The following ANKRD26 variants were observed in gnomAD, a reference collection of about 807,000 sequenced individuals.
The protein encoded by ANKRD26 is ankyrin repeat domain 26, also known as ankyrin repeat domain-containing protein 26.
A neutral mutation model predicts 208.7 loss-of-function variants in ANKRD26; 141 were observed. The observed-to-expected ratio is 0.68, with a 90% CI of 0.59 to 0.78. ANKRD26 has a LOEUF of 0.78. Ranked by LOEUF, ANKRD26 falls within the 30% of genes least tolerant of loss-of-function variation. The probability of loss-of-function intolerance (pLI) is 0.00; values close to 1 mark genes in which losing one functional copy is unlikely to be tolerated. For missense variants in ANKRD26, 1,889 were observed against 1,938.7 expected, an observed-to-expected ratio of 0.97 and a Z score of 0.48; for synonymous variants, 636 against 660.4, an observed-to-expected ratio of 0.96 and a Z score of 0.57.
chr10:26,956,252 A>G, the ANKRD26 span, among the ~76,000 whole-genome samples: 4 of 152,168 alleles, frequency 2.6e-5, no homozygotes, highest in African/African-American at 9.6e-5. Flanking sequence ...TAGGATATTT[A>G]CTTTTTTCTA....
intron 30 of ANKRD26, among the ~76,000 whole-genome samples, chr10:27,015,348 A>C (rs1200305938): frequency 2.0e-5 from 3 of 152,238 alleles, no homozygotes; most frequent in Non-Finnish European, 4.4e-5. Context: ...CTGCTGGAGC[A>C]TAAGGTTATG....
chr10:27,059,600 C>T (rs189494780), intron 15 of ANKRD26, among the ~76,000 whole-genome samples: 1 of 152,120 alleles, frequency 6.6e-6, no homozygotes, highest in Non-Finnish European at 1.5e-5. Flanking sequence ...AAGACTATGT[C>T]TACCAAATAG....
intron 7 of ANKRD26, 36 bp downstream of exon 7, chr10:27,079,053 G>A (rs1301201634): frequency 1.3e-6 from 2 of 1,549,448 alleles, no homozygotes; most frequent in Non-Finnish European, 1.8e-6. Flanking sequence ...ACTAGATTCA[G>A]AGTAAGAAAA....
At chr10:27,063,337 T>G (rs1160666665) in intron 12 of ANKRD26, among the ~76,000 whole-genome samples, 1 of 152,154 alleles carries the variant, frequency 6.6e-6, no homozygotes, top group Non-Finnish European at 1.5e-5. Context: ...TTTTATTTTT[T>G]TGAGATGAAG....
chr10:27,039,776 A>T (rs776756533), intron 21 of ANKRD26, among the ~76,000 whole-genome samples, 189 bp downstream of exon 21: 10 of 152,206 alleles, frequency 6.6e-5, no homozygotes, highest in Non-Finnish European at 2.9e-5. Flanking sequence ...AAAGTGATTT[A>T]AAAGAATATA....
intron 9 of ANKRD26, chr10:27,077,056 T>G (rs1343900821): frequency 9.7e-6 from 4 of 414,296 alleles, no homozygotes; most frequent in Admixed American, 4.1e-5. Flanking sequence ...AAAAGAAAAC[T>G]GCAGACCAAT....
intron 12 of ANKRD26, 93 bp from the exon 13 acceptor site, chr10:27,061,335 T>C: frequency 1.3e-6 from 1 of 790,200 alleles, no homozygotes; most frequent in South Asian, 1.7e-5. Context: ...AATAACATTT[T>C]ATATTTCAAA....
At chr10:27,011,604 G>T (rs766729941) in intron 32 of ANKRD26, among the ~76,000 whole-genome samples, 1 of 152,028 alleles carries the variant, frequency 6.6e-6, no homozygotes, top group South Asian at 2.1e-4. Context: ...GAGTGAAATC[G>T]TAAGGCTGGA....
intron 5 of ANKRD26, among the ~76,000 whole-genome samples, chr10:27,086,268 T>TTC (rs1564428473): frequency 1.3e-5 from 2 of 151,928 alleles, no homozygotes; most frequent in African/African-American, 4.8e-5. Context: ...AAACACCTTT[T>TTC]TTATTTATAC....
intron 15 of ANKRD26, among the ~76,000 whole-genome samples, chr10:27,057,231 G>A (rs2054869683): frequency 6.6e-6 from 1 of 152,128 alleles, no homozygotes; most frequent in African/African-American, 2.4e-5. Flanking sequence ...CTCCTCCATG[G>A]TGAATTGTAT....
In ANKRD26 at chr10:27,100,459, C is replaced by G. The variant is rs1431096704; in HGVS notation, c.-133G>C. On this transcript the variant is annotated 5_prime_UTR_variant, in exon 1 of 34. Coordinates refer to ENST00000376087, the MANE Select transcript of ANKRD26 (RefSeq NM_014915.3). ...GAAACTCCGCGGTTTCCAATCTCTC[C>G]CTCCGGGTTACCAAGCAAGCGATCC... The G allele has an allele frequency of 2.2e-6, 3 of 1,349,550 alleles. No homozygotes were observed. The East Asian group carries it at 7.2e-5, about 33-fold the overall frequency. 83.6% of individuals were successfully genotyped at this position (1,349,550 alleles called of 1,614,324 possible).
downstream of ANKRD26, among the ~76,000 whole-genome samples, chr10:26,970,012 T>TTAGTAGACACAG (rs58939050): frequency 4.0e-5 from 6 of 151,598 alleles, no homozygotes; most frequent in African/African-American, 1.5e-4. Flanking sequence ...TTTTGTATTT[T>TTAGTAGACACAG]AGTTTTGTCA....
intron 27 of ANKRD26, among the ~76,000 whole-genome samples, chr10:27,026,075 A>T (rs2053648602): frequency 6.6e-6 from 1 of 152,186 alleles, no homozygotes; most frequent in South Asian, 2.1e-4. Context: ...CAAGGGTCAG[A>T]TTATTGATTG....
In ANKRD26 at chr10:27,039,818, T is replaced by C. The variant is rs2054169695; in HGVS notation, c.2375+147A>G. The C allele has an allele frequency of 4.4e-6, 3 of 675,324 alleles. No individual in the cohort carries two copies. The South Asian group carries it at 5.4e-5, about 12-fold the overall frequency. 41.8% of individuals were successfully genotyped at this position (675,324 alleles called of 1,614,324 possible). A position where few individuals can be genotyped will look rare whatever the true frequency, so the allele number is the denominator to read the frequency against. Reference sequence around the variant, plus strand: ...GTAGAAGTTCATAGTTAAGAACTAGTTATATTATTTCCAAGAATTTCACAC... The same window carrying C: ...GTAGAAGTTCATAGTTAAGAACTAGCTATATTATTTCCAAGAATTTCACAC... On this transcript the variant is annotated intron_variant, in intron 21 of 33. Coordinates refer to ENST00000376087, the MANE Select transcript of ANKRD26 (RefSeq NM_014915.3).
rs555748773 is a variant in ANKRD26 at position 27,042,580 on chromosome 10, T to C, written c.2161+846A>G. Reference sequence around the variant, plus strand: ...CATCCTGGCTAACACGGTGAAACCCTGTCTCTACTAAAAATACAAAAAGTT... The same window carrying C: ...CATCCTGGCTAACACGGTGAAACCCCGTCTCTACTAAAAATACAAAAAGTT... On this transcript the variant is annotated intron_variant, in intron 20 of 33. Coordinates refer to ENST00000376087, the MANE Select transcript of ANKRD26 (RefSeq NM_014915.3). 9.9e-5 allele frequency among the ~76,000 whole-genome samples: 15 copies of C among 152,150 alleles called. No homozygotes were observed. In the Middle Eastern group the frequency reaches 0.01, roughly 104 times the overall value.
rs561208889 is a variant in ANKRD26, at chr10:27,100,303, C to T, written c.24G>A (p.Lys8=). The T allele has an allele frequency of 9.3e-6, 15 of 1,609,370 alleles. No homozygotes were observed. The East Asian group carries it at 2.9e-4, about 31-fold the overall frequency. The change falls in exon 1 of 34, where the codon AAG becomes AAA. Residue 8 remains lysine, a synonymous_variant. Coordinates refer to ENST00000376087, the MANE Select transcript of ANKRD26 (RefSeq NM_014915.3). ...CGAAGGAGCCCAAGGGCGACTCGCC[C>T]TTCTTACTAAAAATCTTCTTCATGG... MKKIFSK[K]GESPLGSFAR... is the part of the protein sequence containing the mutation.
At chr10:26,960,154 A>C in the ANKRD26 span, among the ~76,000 whole-genome samples, 1 of 152,082 alleles carries the variant, frequency 6.6e-6, no homozygotes, top group African/African-American at 2.4e-5. Flanking sequence ...GTCTCCAAAA[A>C]AAAAAAGGGG....
chr10:26,979,929 TG>T (rs1046850695), intron 5 of ANKRD26, among the ~76,000 whole-genome samples: 10 of 87,508 alleles, frequency 1.1e-4, no homozygotes, highest in East Asian at 7.4e-4. Context: ...GGCAGTCTTT[TG>T]TTTTTTTTTT....
intron 30 of ANKRD26, among the ~76,000 whole-genome samples, chr10:27,016,404 C>A (rs1183795707): frequency 6.6e-6 from 1 of 152,134 alleles, no homozygotes; most frequent in Non-Finnish European, 1.5e-5. Flanking sequence ...TCCCGAGTAA[C>A]TGGGACTACA....
Sources: gnomAD v4.1 joint callset for allele counts (sites outside exome capture counted in the v4.1 genomes callset) on GRCh38, gnomAD v4.1.1 for gene constraint, MANE v1.5 for transcripts, NCBI Gene and HGNC (gene_info 2026-07-23, HGNC 2026-07-21) for gene names.